Variants in PCDHA3 observed in about 807,000 individuals in gnomAD.
PCDHA3 encodes protocadherin alpha 3.
A neutral mutation model predicts 62.2 loss-of-function variants in PCDHA3; 41 were observed. The observed-to-expected ratio is 0.66, with a 90% CI of 0.51 to 0.86. PCDHA3 has a LOEUF of 0.86. Among genes scored for constraint, PCDHA3 ranks in the 40% least tolerant of loss-of-function variants. PCDHA3 has a pLI of 0.00. For synonymous variants in PCDHA3, 640 were observed against 555.4 expected (o/e 1.15, Z -2.14); for missense variants, 1,304 against 1,241.2 (o/e 1.05, Z -0.76).
At chr5:140,980,684 GAAAA>G (rs782726576) in intron 2 of PCDHA3, among the ~76,000 whole-genome samples, 3 of 145,064 alleles carry the variant, frequency 2.1e-5, no homozygotes, top group Non-Finnish European at 4.6e-5. Flanking sequence ...TTTTCAAATT[GAAAA>G]AAAAAAGCCA....
In PCDHA3 at chr5:140,802,960, G is replaced by A. The variant is rs1763074901; in HGVS notation, c.1763G>A (p.Gly588Asp). Reference protein sequence around the residue: ...SELVPRSVGAGHVVAKVRAVD... With the variant: ...SELVPRSVGADHVVAKVRAVD... The stretch of plus-strand genomic sequence containing the variant: ...CTGGTGCCGCGGTCAGTGGGTGCGG[G>A]CCACGTGGTAGCGAAGGTGCGCGCA... The change falls in exon 1 of 4, where the codon GGC (glycine) becomes GAC (aspartate). Residue 588 changes from glycine to aspartate, a missense_variant. Physicochemically the swap from Gly to Asp is moderately conservative, Grantham distance 94. Coordinates refer to ENST00000522353, the MANE Select transcript of PCDHA3 (RefSeq NM_018906.3). 6.2e-7 allele frequency: 1 copy of A among 1,613,960 alleles called. No individual in the cohort carries two copies.
chr5:140,965,976 G>A (rs2095953776), intron 1 of PCDHA3, among the ~76,000 whole-genome samples: 1 of 152,154 alleles, frequency 6.6e-6, no homozygotes, highest in Non-Finnish European at 1.5e-5. Context: ...CCTAGGAGTT[G>A]AGCACTTTCT....
chr5:140,969,254 A>G (rs781854163), intron 1 of PCDHA3: 2 of 1,614,242 alleles, frequency 1.2e-6, no homozygotes, highest in Non-Finnish European at 1.7e-6. Context: ...GACTGACAGC[A>G]GGAATCTCAC....
rs148640226 is a variant in PCDHA3, at chr5:140,809,438, T to A, written c.2394+5847T>A. On this transcript the variant is annotated intron_variant, in intron 1 of 3. Transcript: ENST00000522353. ...CAGTGCGGTGGGGAGCTGGTCATAC[T>A]CGCAGCAGAGGAGGCCGAGGGTGTG... is the stretch of plus-strand genomic sequence containing the variant. 258 of 1,614,176 alleles carry A rather than the reference T, an allele frequency of 1.6e-4. 1 individual carries two copies. The African/African-American group carries it at 2.8e-3, about 17-fold the overall frequency.
intron 1 of PCDHA3, chr5:140,871,730 T>C: frequency 2.8e-6 from 2 of 714,038 alleles, no homozygotes; most frequent in Middle Eastern, 4.1e-4. Flanking sequence ...TAATATTTGG[T>C]TAGCAAATCC....
At chr5:140,957,107 G>A in intron 1 of PCDHA3, among the ~76,000 whole-genome samples, 1 of 152,092 alleles carries the variant, frequency 6.6e-6, no homozygotes, top group East Asian at 1.9e-4. Context: ...CTATGGACAT[G>A]ATTCTGTGTG....
intron 1 of PCDHA3, chr5:140,808,162 G>A (rs782594853): frequency 8.7e-6 from 14 of 1,614,082 alleles, no homozygotes; most frequent in African/African-American, 2.7e-5. Flanking sequence ...GCATTGATAA[G>A]GGACAGCTCC....
At position 140,807,071 on chromosome 5, in the gene PCDHA3, T is replaced by C. The variant is rs568320895; in HGVS notation, c.2394+3480T>C. The C allele has an allele frequency of 9.3e-6, 11 of 1,185,968 alleles. No homozygotes were observed. The African/African-American group carries it at 1.7e-4, about 18-fold the overall frequency. The allele number at this position is 1,185,968 out of a possible 1,614,324, so 73.5% of individuals were successfully genotyped here. Reference sequence around the variant, plus strand: ...TCTATTCTTACTGGAAGGAACCATATACACTCTTTGGAGTCTGAAATATGG... The same window carrying C: ...TCTATTCTTACTGGAAGGAACCATACACACTCTTTGGAGTCTGAAATATGG... On this transcript the variant is annotated intron_variant, in intron 1 of 3. Coordinates refer to ENST00000522353, the MANE Select transcript of PCDHA3 (RefSeq NM_018906.3).
intron 1 of PCDHA3, among the ~76,000 whole-genome samples, chr5:140,888,393 C>T (rs1554183447): frequency 1.3e-5 from 2 of 152,156 alleles, no homozygotes; most frequent in African/African-American, 4.8e-5. Context: ...CTGCTAAACA[C>T]CATCCAATTG....
At chr5:140,830,343 CGCA>C in intron 1 of PCDHA3, 1 of 1,614,058 alleles carries the variant, frequency 6.2e-7, no homozygotes, top group Non-Finnish European at 8.5e-7. Context: ...TGGTCGTACT[CGCA>C]GCAGAGGCGG....
intron 1 of PCDHA3, among the ~76,000 whole-genome samples, chr5:140,955,489 A>G (rs1554221953): frequency 1.3e-5 from 2 of 152,114 alleles, no homozygotes; most frequent in Non-Finnish European, 2.9e-5. Context: ...CCTTCCTGCC[A>G]CCATGTGAAG....
intron 1 of PCDHA3, among the ~76,000 whole-genome samples, chr5:140,897,824 A>G (rs1234550995): frequency 2.6e-5 from 4 of 152,016 alleles, no homozygotes; most frequent in African/African-American, 9.7e-5. Flanking sequence ...AAGTGTTCCT[A>G]TTTCTCCACA....
Position 140,881,767 on chromosome 5 carries a change from C to T in PCDHA3, c.2394+78176C>T, listed in dbSNP as rs923432967. Among the ~76,000 whole-genome samples, 13 of 152,322 alleles carry T rather than the reference C, an allele frequency of 8.5e-5. No homozygotes were observed. In the East Asian group the frequency reaches 2.1e-3, roughly 25 times the overall value. On this transcript the variant is annotated intron_variant, in intron 1 of 3. Coordinates refer to ENST00000522353, the MANE Select transcript of PCDHA3 (RefSeq NM_018906.3). ...GACAGTACCACAAAAACCTACATGA[C>T]TATGCAGAACTACCGATCAATTGTC...
intron 1 of PCDHA3, among the ~76,000 whole-genome samples, chr5:140,936,450 T>C (rs1217629620): frequency 6.6e-6 from 1 of 152,234 alleles, no homozygotes; most frequent in Non-Finnish European, 1.5e-5. Context: ...TAACCACATC[T>C]GTTTAGTGGT....
chr5:140,926,762 C>A (rs1186997274), intron 1 of PCDHA3: 5 of 1,326,554 alleles, frequency 3.8e-6, no homozygotes, highest in East Asian at 2.8e-5. Context: ...CGCTGAGTAT[C>A]CAGCCCGCAG....
In PCDHA3 at chr5:140,822,000, G is replaced by A. The variant is rs2150112853; in HGVS notation, c.2394+18409G>A. ...CCAAGGGCCGCGGGGACCTTCTGGA[G>A]GTAAATCTGCAGAATGGCATTTTGT... On this transcript the variant is annotated intron_variant, in intron 1 of 3. Coordinates refer to ENST00000522353, the MANE Select transcript of PCDHA3 (RefSeq NM_018906.3). 1.5e-5 allele frequency: 25 copies of A among 1,614,078 alleles called. No individual in the cohort carries two copies. In the Admixed American group the frequency reaches 3.8e-4, roughly 25 times the overall value.
chr5:140,884,792 G>A, intron 1 of PCDHA3: 1 of 1,312,776 alleles, frequency 7.6e-7, no homozygotes. Flanking sequence ...AGTTGTTATC[G>A]AATTTAACAA....
chr5:140,962,143 G>C (rs964011627), intron 1 of PCDHA3, among the ~76,000 whole-genome samples: 1 of 151,968 alleles, frequency 6.6e-6, no homozygotes, highest in Non-Finnish European at 1.5e-5. Flanking sequence ...CCAAAGTGCT[G>C]GGATTACAGG....
chr5:140,836,751 T>C (rs2150269188), intron 1 of PCDHA3: 5 of 1,580,282 alleles, frequency 3.2e-6, no homozygotes, highest in Middle Eastern at 1.7e-4. Flanking sequence ...GAGTCATAAA[T>C]AATCTTGTTT....
Sources: allele counts gnomAD v4.1 joint callset (sites outside exome capture counted in the v4.1 genomes callset), GRCh38; gene constraint gnomAD v4.1.1; transcripts MANE v1.5; gene names NCBI Gene and HGNC (gene_info 2026-07-23, HGNC 2026-07-21).